Variants in SPAG16 observed in about 807,000 individuals in gnomAD.
SPAG16 encodes the protein sperm-associated antigen 16 protein.
In SPAG16, 86 loss-of-function variants were observed where a neutral mutation model predicts 80.4. The ratio of observed to expected loss-of-function variants is 1.07; its 90% CI spans 0.90 to 1.28. The LOEUF (loss-of-function observed/expected upper bound fraction) is 1.28. Among genes scored for constraint, SPAG16 ranks in the 50% most tolerant of loss-of-function variants. SPAG16 has a pLI of 0.00. For synonymous variants in SPAG16, 294 were observed against 265.9 expected (o/e 1.11, Z -1.03); for missense variants, 870 against 765.3 (o/e 1.14, Z -1.61).
intron 15 of SPAG16, among the ~76,000 whole-genome samples, chr2:214,254,525 C>T (rs944175039): frequency 6.6e-6 from 1 of 152,002 alleles, no homozygotes; most frequent in East Asian, 1.9e-4. Context: ...GGCTGTATAT[C>T]TTAAAACAAT....
chr2:213,426,725 G>A (rs1447375772), intron 9 of SPAG16, among the ~76,000 whole-genome samples: 1 of 151,128 alleles, frequency 6.6e-6, no homozygotes, highest in African/African-American at 2.4e-5. Flanking sequence ...TTCTTAAAAG[G>A]GTGAACTGTT....
chr2:214,330,903 T>C (rs1303602427), intron 15 of SPAG16, among the ~76,000 whole-genome samples: 1 of 152,204 alleles, frequency 6.6e-6, no homozygotes, highest in East Asian at 1.9e-4. Context: ...AGTCAATTCA[T>C]ATCATCTGGG....
At position 213,448,019 on chromosome 2, in the gene SPAG16, G is replaced by A. The variant is rs188706059; in HGVS notation, c.943-41944G>A. ...AGTCACGGCACTGGCCACCACTGCC[G>A]GAGTGGCATTACACCAATCTGTTCA... On this transcript the variant is annotated intron_variant, in intron 9 of 15. Transcript: ENST00000331683. 2.4e-3 allele frequency among the ~76,000 whole-genome samples: 358 copies of A among 152,304 alleles called. 2 individuals carry two copies. Among genetic ancestry groups the A allele is most frequent in the African/African-American group, 7.5e-3 (311 of 41,578 alleles).
intron 10 of SPAG16, among the ~76,000 whole-genome samples, chr2:213,533,295 G>T (rs191630806): frequency 6.6e-6 from 1 of 152,220 alleles, no homozygotes; most frequent in African/African-American, 2.4e-5. Context: ...TAAGCAGAAG[G>T]ATGCTCAAAT....
chr2:214,095,873 A>T (rs998244895), intron 13 of SPAG16, among the ~76,000 whole-genome samples: 3 of 151,874 alleles, frequency 2.0e-5, no homozygotes, highest in African/African-American at 7.3e-5. Flanking sequence ...AATATTTACA[A>T]CCCCTCAGAA....
intron 3 of SPAG16, among the ~76,000 whole-genome samples, chr2:213,308,935 C>G (rs1260093583): frequency 6.6e-6 from 1 of 152,132 alleles, no homozygotes; most frequent in Admixed American, 6.6e-5. Context: ...GACATATACA[C>G]TAAGATCTCT....
At chr2:213,991,548 G>A (rs1460309615) in intron 12 of SPAG16, among the ~76,000 whole-genome samples, 1 of 152,052 alleles carries the variant, frequency 6.6e-6, no homozygotes, top group East Asian at 1.9e-4. Context: ...CTGAATCCAT[G>A]TTTTCCATTC....
chr2:213,855,344 C>T (rs757591525), intron 10 of SPAG16, among the ~76,000 whole-genome samples: 3 of 152,224 alleles, frequency 2.0e-5, no homozygotes, highest in African/African-American at 7.2e-5. Flanking sequence ...AGACAGTTCA[C>T]TCAAGTTCAT....
chr2:213,503,475 A>G lies in SPAG16; in HGVS notation c.1070+13385A>G, dbSNP rs548689693. Reference sequence around the variant, plus strand: ...AGCAACAGCCCCATTGCTCCTCACCACCCCTCATGCCCTTCAGGTCTGATT... The same window carrying G: ...AGCAACAGCCCCATTGCTCCTCACCGCCCCTCATGCCCTTCAGGTCTGATT... On this transcript the variant is annotated intron_variant, in intron 10 of 15. Transcript: ENST00000331683. Among the ~76,000 whole-genome samples, 10 of 152,232 alleles carry G rather than the reference A, an allele frequency of 6.6e-5. No homozygotes were observed. In the Middle Eastern group the frequency reaches 0.01, roughly 155 times the overall value.
At chr2:213,949,179 T>TTTTTTTTTTTTTTTGTTTTTTTGTTTTG (rs1575623841) in intron 12 of SPAG16, among the ~76,000 whole-genome samples, 2 of 36,264 alleles carry the variant, frequency 5.5e-5, no homozygotes, top group Admixed American at 9.5e-4. Flanking sequence ...GTTTTTTTTT[T>TTTTTTTTTTTTTTTGTTTTTTTGTTTTG]TTTTTTTTTT....
At position 213,605,568 on chromosome 2, in the gene SPAG16, C is replaced by T. The variant is rs555197131; in HGVS notation, c.1070+115478C>T. Among the ~76,000 whole-genome samples the T allele has an allele frequency of 3.3e-5, 5 of 152,240 alleles. No homozygotes were observed. In the South Asian group the frequency reaches 1.0e-3, roughly 32 times the overall value. On this transcript the variant is annotated intron_variant, in intron 10 of 15. Transcript: ENST00000331683. ...GCAATGGCCCGGTCTCGGCTCACTG[C>T]AACCTCCACCTCCTGGGTTCAAGCG...
intron 10 of SPAG16, among the ~76,000 whole-genome samples, chr2:213,752,203 A>T (rs2068108009): frequency 6.6e-6 from 1 of 152,152 alleles, no homozygotes; most frequent in Non-Finnish European, 1.5e-5. Flanking sequence ...TAGACTAGAT[A>T]AGGACTTTGT....
intron 14 of SPAG16, among the ~76,000 whole-genome samples, chr2:214,148,002 G>A (rs568510106): frequency 2.6e-4 from 40 of 152,120 alleles, no homozygotes; most frequent in African/African-American, 8.2e-4. Flanking sequence ...TTTAAATAAC[G>A]TAGGGAGAAA....
chr2:213,865,762 G>C (rs1437672339), intron 11 of SPAG16, among the ~76,000 whole-genome samples: 2 of 146,762 alleles, frequency 1.4e-5, no homozygotes, highest in Non-Finnish European at 3.0e-5. Context: ...GCACATATAT[G>C]TGTAAATTCA....
At chr2:213,582,342 G>C (rs954766244) in intron 10 of SPAG16, among the ~76,000 whole-genome samples, 2 of 152,026 alleles carry the variant, frequency 1.3e-5, no homozygotes, top group South Asian at 4.1e-4. Flanking sequence ...GCCAGGTGTG[G>C]TAAGGAATAA....
intron 11 of SPAG16, among the ~76,000 whole-genome samples, chr2:213,914,205 A>G (rs1453354867): frequency 6.6e-6 from 1 of 152,136 alleles, no homozygotes; most frequent in Non-Finnish European, 1.5e-5. Context: ...AAACTTAGAA[A>G]TCTTAAAGAT....
rs531296551 is a variant in SPAG16 at position 213,584,341 on chromosome 2, A to G, written c.1070+94251A>G. Among the ~76,000 whole-genome samples the G allele has an allele frequency of 4.3e-4, 66 of 152,240 alleles. 1 individual carries two copies. In the South Asian group the frequency reaches 4.6e-3, roughly 11 times the overall value. On this transcript the variant is annotated intron_variant, in intron 10 of 15. Coordinates refer to ENST00000331683, the MANE Select transcript of SPAG16 (RefSeq NM_024532.5). ...GGGTTACTGACATTGGAGCCTTACA[A>G]CTGCAGTGGAAATATATGATGACTT... is the stretch of plus-strand genomic sequence containing the variant.
chr2:213,664,996 T>C (rs1301369138), intron 10 of SPAG16, among the ~76,000 whole-genome samples: 1 of 152,114 alleles, frequency 6.6e-6, no homozygotes, highest in African/African-American at 2.4e-5. Flanking sequence ...TTGCCTGCTT[T>C]ATGGATCTGT....
chr2:214,189,818 T>C (rs1559116767), intron 15 of SPAG16, among the ~76,000 whole-genome samples: 1 of 152,104 alleles, frequency 6.6e-6, no homozygotes. Flanking sequence ...CAAGTAGATA[T>C]ATGTGCTTCT....
Sources: allele counts gnomAD v4.1 joint callset (sites outside exome capture counted in the v4.1 genomes callset), GRCh38; gene constraint gnomAD v4.1.1; transcripts MANE v1.5; gene names NCBI Gene and HGNC (gene_info 2026-07-23, HGNC 2026-07-21).